SHROOM3: variants seen among roughly 807,000 people sequenced by gnomAD.
The protein encoded by SHROOM3 is protein Shroom3.
A neutral mutation model predicts 138.6 loss-of-function variants in SHROOM3; 47 were observed. The ratio of observed to expected loss-of-function variants is 0.34; its 90% confidence interval spans 0.27 to 0.43. SHROOM3 has a LOEUF of 0.43. SHROOM3 is among the 20% of genes least tolerant of loss of function. The probability of loss-of-function intolerance (pLI) is 1.00; values close to 1 mark genes in which losing one functional copy is unlikely to be tolerated. For missense variants in SHROOM3, 2,491 were observed against 2,596.5 expected (o/e 0.96, Z 0.88); for synonymous variants, 1,062 against 1,063.3 (o/e 1.00, Z 0.02).
chr4:76,715,947 G>A (rs1720360288), intron 3 of SHROOM3: 1 of 168,214 alleles, frequency 5.9e-6, no homozygotes. Flanking sequence ...ATGGAGGAGG[G>A]CATGTGTTTA....
chr4:76,457,495 A>AT (rs763634018), intron 1 of SHROOM3, among the ~76,000 whole-genome samples: 2,745 of 142,444 alleles, frequency 0.019, 33 homozygotes, highest in African/African-American at 0.04. Context: ...TTTCTTTATA[A>AT]TTTTTTTTTT....
At chr4:76,668,552 G>A (rs1490420349) in intron 2 of SHROOM3, among the ~76,000 whole-genome samples, 3 of 151,978 alleles carry the variant, frequency 2.0e-5, no homozygotes, top group East Asian at 1.9e-4. Flanking sequence ...CAGCTGGGGC[G>A]ACAACAGCAA....
At chr4:76,620,091 A>AAAAAAAAAAAAAAG (rs749696462) in intron 2 of SHROOM3, among the ~76,000 whole-genome samples, 13 of 135,392 alleles carry the variant, frequency 9.6e-5, no homozygotes, top group East Asian at 4.7e-4. Flanking sequence ...AAAAAAAAAA[A>AAAAAAAAAAAAAAG]AAGAAGAAAA....
chr4:76,458,546 A>G (rs1158264499), intron 1 of SHROOM3, among the ~76,000 whole-genome samples: 1 of 152,212 alleles, frequency 6.6e-6, no homozygotes, highest in Non-Finnish European at 1.5e-5. Context: ...TGCACTCATT[A>G]AACAGTAATT....
At chr4:76,608,539 GCA>G (rs1734671958) in intron 2 of SHROOM3, among the ~76,000 whole-genome samples, 1 of 22,168 alleles carries the variant, frequency 4.5e-5, no homozygotes. Flanking sequence ...GCATAGCATA[GCA>G]TAGCATAGCA....
At chr4:76,473,884 A>G (rs570188178) in intron 1 of SHROOM3, among the ~76,000 whole-genome samples, 2 of 152,370 alleles carry the variant, frequency 1.3e-5, no homozygotes, top group South Asian at 4.1e-4. Flanking sequence ...AAAATGGTAT[A>G]GTTGCTTTGG....
chr4:76,691,803 A>G (rs185304396), intron 2 of SHROOM3, among the ~76,000 whole-genome samples: 31 of 152,258 alleles, frequency 2.0e-4, no homozygotes, highest in African/African-American at 3.6e-4. Flanking sequence ...TGTCTCTTCA[A>G]TGTTTATTCT....
Position 76,746,037 on chromosome 4 carries a change from T to C in SHROOM3, c.3754-2980T>C, listed in dbSNP as rs972363260. ...CATCTGTGCAATGAGGTAAATACTA[T>C]TATTATCTCTAAGTTACAGAAGAAG... On this transcript the variant is annotated intron_variant, in intron 5 of 10. Coordinates refer to ENST00000296043, the MANE Select transcript of SHROOM3 (RefSeq NM_020859.4). Among the ~76,000 whole-genome samples, 3 of 152,156 alleles carry C rather than the reference T, an allele frequency of 2.0e-5. No homozygotes were observed. The East Asian group carries it at 5.8e-4, about 29-fold the overall frequency.
intron 1 of SHROOM3, among the ~76,000 whole-genome samples, chr4:76,484,103 T>C (rs1484986307): frequency 6.6e-6 from 1 of 152,094 alleles, no homozygotes; most frequent in Non-Finnish European, 1.5e-5. Flanking sequence ...ATAACAAACC[T>C]GCATGTTCTG....
chr4:76,528,570 A>G (rs1452626420), intron 1 of SHROOM3, among the ~76,000 whole-genome samples: 6 of 54,058 alleles, frequency 1.1e-4, no homozygotes, highest in South Asian at 6.3e-4. Context: ...TTTGAGGCAG[A>G]GTTTTACTCT....
At position 76,740,045 on chromosome 4, in the gene SHROOM3, G is replaced by T; in HGVS notation, c.1872G>T (p.Glu624Asp). The change falls in exon 5 of 11, where the codon GAG becomes GAT. Residue 624 changes from glutamate (E) to aspartate (D), a missense_variant. Transcript: ENST00000296043. The surrounding 1 kb of genome is among the most constrained non-coding windows in gnomAD (Gnocchi z 4.0). ...ACAAGAGATCTTCCAGGCTCTCAGA[G>T]CCCTGGGAGGGCGATTTCCAGGAAG... ...GEDKRSSRLS[E>D]PWEGDFQEDH... 1 of 1,613,860 alleles carries T rather than the reference G, an allele frequency of 6.2e-7. No homozygotes were observed. The highest frequency in any genetic ancestry group is 8.5e-7 in the Non-Finnish European group (1 of 1,180,026).
rs1731288188 is a variant in SHROOM3 at position 76,468,230 on chromosome 4, CAT to C, written c.168+32013_168+32014del. ...ATTCTACATATAGGGGACATTCCTA[CAT>C]ATTGCTAGTAGAAATGTAAATTAAT... On this transcript the variant is annotated intron_variant, in intron 1 of 10. Coordinates refer to ENST00000296043, the MANE Select transcript of SHROOM3 (RefSeq NM_020859.4). Among the ~76,000 whole-genome samples, 3 of 152,220 alleles carry C rather than the reference CAT, an allele frequency of 2.0e-5. No individual in the cohort carries two copies. The South Asian group carries it at 6.2e-4, about 32-fold the overall frequency.
Position 76,627,375 on chromosome 4 carries a change from G to C in SHROOM3, c.323+71612G>C, listed in dbSNP as rs775953633. Among the ~76,000 whole-genome samples the C allele has an allele frequency of 4.7e-4, 71 of 152,172 alleles. 1 individual carries two copies. The highest frequency in any genetic ancestry group is 9.2e-4 in the Admixed American group (14 of 15,278). On this transcript the variant is annotated intron_variant, in intron 2 of 10. Coordinates refer to ENST00000296043, the MANE Select transcript of SHROOM3 (RefSeq NM_020859.4). ...ATACAACCCAACAGCCATGTCTTTA[G>C]AGACTTGTGGCTGAATTAGTTCTGA...
At chr4:76,439,256 G>C (rs1262209836) in intron 1 of SHROOM3, among the ~76,000 whole-genome samples, 1 of 152,126 alleles carries the variant, frequency 6.6e-6, no homozygotes, top group Non-Finnish European at 1.5e-5. Context: ...ACCTCTGACT[G>C]CCTCTCTCTT....
chr4:76,469,404 C>T (rs1209542769), intron 1 of SHROOM3, among the ~76,000 whole-genome samples: 2 of 151,932 alleles, frequency 1.3e-5, no homozygotes, highest in Non-Finnish European at 2.9e-5. Flanking sequence ...CCACCTAAGT[C>T]CCCCCACTTA....
At chr4:76,662,959 GAGAGAGAGAT>G (rs1718581168) in intron 2 of SHROOM3, among the ~76,000 whole-genome samples, 1 of 151,890 alleles carries the variant, frequency 6.6e-6, no homozygotes, top group Non-Finnish European at 1.5e-5. Context: ...GAGAGAGGGA[GAGAGAGAGAT>G]TCACAGAGTT....
At chr4:76,660,320 A>G (rs932323050) in intron 2 of SHROOM3, among the ~76,000 whole-genome samples, 2 of 152,092 alleles carry the variant, frequency 1.3e-5, no homozygotes, top group African/African-American at 4.8e-5. Flanking sequence ...TCTTTCACCC[A>G]GCTGCTTAGG....
chr4:76,710,380 TG>T, intron 3 of SHROOM3, 93 bp downstream of exon 3: 1 of 1,488,518 alleles, frequency 6.7e-7, no homozygotes, highest in South Asian at 1.2e-5. Context: ...GGGGCAAGGA[TG>T]GTCAGGATAC....
chr4:76,510,464 C>T (rs1012206622), intron 1 of SHROOM3, among the ~76,000 whole-genome samples: 2 of 152,130 alleles, frequency 1.3e-5, no homozygotes, highest in African/African-American at 2.4e-5. Flanking sequence ...GCCTCAATTT[C>T]CTTAAATATA....
Sources: gnomAD v4.1 joint callset for allele counts (sites outside exome capture counted in the v4.1 genomes callset) on GRCh38, gnomAD v4.1.1 for gene constraint, Gnocchi (gnomAD v3.1) non-coding constraint, MANE v1.5 for transcripts, NCBI Gene and HGNC (gene_info 2026-07-23, HGNC 2026-07-21) for gene names.